Variants in GRAMD1C observed in about 807,000 individuals in gnomAD.
GRAMD1C encodes the protein GRAM domain containing 1C.
In GRAMD1C, 89 loss-of-function variants were observed where a neutral mutation model predicts 97.8. The observed-to-expected ratio is 0.91, with a 90% CI of 0.77 to 1.09. GRAMD1C has a LOEUF of 1.09. GRAMD1C is among the 50% of genes least tolerant of loss of function. The pLI, the probability that GRAMD1C is intolerant of heterozygous loss-of-function variation, is 0.00. For missense variants in GRAMD1C, 740 were observed against 766.4 expected (o/e 0.97, Z 0.41); for synonymous variants, 256 against 267.0 (o/e 0.96, Z 0.40).
rs1422603880 is a variant in GRAMD1C at position 113,904,199 on chromosome 3, C to G, written c.716C>G (p.Ser239Ter). ...SGERDEKLSK[S>*]ISFTSESISR... is the part of the protein sequence containing the mutation. ...GAGAGAGATGAAAAATTATCCAAGTCAATCAGTTTTACCAGTGAATCAATT... is the reference window on the plus strand; with the variant it reads ...GAGAGAGATGAAAAATTATCCAAGTGAATCAGTTTTACCAGTGAATCAATT... The change falls in exon 8 of 18, where the codon TCA becomes TGA. Residue 239 changes from serine (S) to a stop codon, truncating the protein, a stop_gained. Transcript: ENST00000358160. LOFTEE classifies it high-confidence loss of function. The G allele has an allele frequency of 1.9e-6, 3 of 1,606,900 alleles. No individual in the cohort carries two copies. In the African/African-American group the frequency reaches 4.0e-5, roughly 21 times the overall value.
chr3:113,932,787 C>T (rs1049864395), intron 11 of GRAMD1C, among the ~76,000 whole-genome samples: 6 of 152,188 alleles, frequency 3.9e-5, no homozygotes, highest in African/African-American at 1.4e-4. Context: ...TTCACTGCAA[C>T]CTCAAACTCC....
chr3:113,939,222 G>C (rs1241975907), intron 15 of GRAMD1C: 2 of 151,922 alleles, frequency 1.3e-5, no homozygotes, highest in Non-Finnish European at 2.9e-5. Context: ...CTGTATATTT[G>C]CATATATATA....
chr3:113,907,715 T>C (rs1451678843), intron 8 of GRAMD1C, among the ~76,000 whole-genome samples: 1 of 152,126 alleles, frequency 6.6e-6, no homozygotes, highest in Non-Finnish European at 1.5e-5. Flanking sequence ...TACAGTAGAG[T>C]ATACAAAGAA....
chr3:113,920,476 G>A (rs1937003169), intron 10 of GRAMD1C, among the ~76,000 whole-genome samples: 1 of 152,168 alleles, frequency 6.6e-6, no homozygotes, highest in Non-Finnish European at 1.5e-5. Flanking sequence ...GCACTCAGAT[G>A]TGCATCAGCA....
At chr3:113,879,486 C>T (rs1248787303) in intron 5 of GRAMD1C, among the ~76,000 whole-genome samples, 3 of 152,108 alleles carry the variant, frequency 2.0e-5, no homozygotes, top group African/African-American at 7.2e-5. Flanking sequence ...TGTGGCCACT[C>T]TTCACCATGT....
intron 1 of GRAMD1C, among the ~76,000 whole-genome samples, chr3:113,844,261 T>G (rs1457044348): frequency 6.6e-6 from 1 of 151,902 alleles, no homozygotes; most frequent in African/African-American, 2.4e-5. Flanking sequence ...GCCATTACAC[T>G]CCAGTCTGGG....
At chr3:113,864,910 A>T (rs1442873756) in intron 2 of GRAMD1C, among the ~76,000 whole-genome samples, 1 of 152,184 alleles carries the variant, frequency 6.6e-6, no homozygotes, top group Non-Finnish European at 1.5e-5. Context: ...AGGTATTGTA[A>T]TAGCAACAAC....
chr3:113,873,092 C>CAAAA (rs576155098), intron 3 of GRAMD1C, among the ~76,000 whole-genome samples: 1 of 35,750 alleles, frequency 2.8e-5, no homozygotes, highest in African/African-American at 1.1e-4. Flanking sequence ...GACTCCATCT[C>CAAAA]AAAAAAAAAA....
At chr3:113,932,237 A>G (rs1192357580) in intron 11 of GRAMD1C, among the ~76,000 whole-genome samples, 1 of 152,230 alleles carries the variant, frequency 6.6e-6, no homozygotes, top group African/African-American at 2.4e-5. Context: ...TGGACAAAAC[A>G]ATAGTTTTGT....
chr3:113,927,727 G>A (rs534333249), intron 10 of GRAMD1C, among the ~76,000 whole-genome samples: 6 of 152,212 alleles, frequency 3.9e-5, no homozygotes, highest in Non-Finnish European at 7.3e-5. Flanking sequence ...CTACCCTGCT[G>A]TCAAGGTGTT....
At chr3:113,935,440 C>T (rs979700717) in intron 13 of GRAMD1C, among the ~76,000 whole-genome samples, 4 of 151,570 alleles carry the variant, frequency 2.6e-5, no homozygotes, top group East Asian at 1.9e-4. Context: ...CTGGGGAAAA[C>T]GATACGGTGG....
Position 113,904,407 on chromosome 3 carries a change from T to A in GRAMD1C, c.789+135T>A, listed in dbSNP as rs1016713014. The A allele has an allele frequency of 7.8e-6, 5 of 638,340 alleles. No individual in the cohort carries two copies. The African/African-American group carries it at 9.2e-5, about 12-fold the overall frequency. 39.5% of individuals were successfully genotyped at this position (638,340 alleles called of 1,614,324 possible). On this transcript the variant is annotated intron_variant, in intron 8 of 17. Coordinates refer to ENST00000358160, the MANE Select transcript of GRAMD1C (RefSeq NM_017577.5). ...CTCCTACCTTATTTTAGGAAAAAAG[T>A]TTAAAGTCTGTTAGTAGCAGAGATT... is the stretch of plus-strand genomic sequence containing the variant.
intron 2 of GRAMD1C, among the ~76,000 whole-genome samples, chr3:113,851,453 A>G (rs1485126944): frequency 1.3e-5 from 2 of 151,962 alleles, no homozygotes; most frequent in South Asian, 2.1e-4. Context: ...AATAACTAGT[A>G]TACTTAGGTT....
chr3:113,859,271 G>C (rs886114267), intron 2 of GRAMD1C, among the ~76,000 whole-genome samples: 1 of 151,932 alleles, frequency 6.6e-6, no homozygotes, highest in Non-Finnish European at 1.5e-5. Flanking sequence ...GTTACATTAA[G>C]GTTTTAATTT....
At chr3:113,886,494 A>C (rs1031137537) in intron 6 of GRAMD1C, among the ~76,000 whole-genome samples, 2 of 152,174 alleles carry the variant, frequency 1.3e-5, no homozygotes, top group African/African-American at 2.4e-5. Context: ...ATTTTGGGCC[A>C]CTGGATTTTC....
rs577594785 is a variant in GRAMD1C at position 113,930,837 on chromosome 3, G to A, written c.1209+5G>A. The A allele has an allele frequency of 1.8e-5, 26 of 1,416,376 alleles. No homozygotes were observed. Among genetic ancestry groups the A allele is most frequent in the South Asian group, 8.0e-5 (7 of 87,026 alleles). 87.7% of individuals were successfully genotyped at this position (1,416,376 alleles called of 1,614,324 possible). On this transcript the variant is annotated splice_donor_5th_base_variant and intron_variant, in intron 11 of 17. Transcript: ENST00000358160. ...ACTGCTGCCACTGAAAAGCAGGTACGTCTGCTTTGTCAGTGTCCAGAAGAG... is the reference window on the plus strand; with the variant it reads ...ACTGCTGCCACTGAAAAGCAGGTACATCTGCTTTGTCAGTGTCCAGAAGAG...
chr3:113,896,246 C>T (rs945768637), intron 6 of GRAMD1C, among the ~76,000 whole-genome samples: 1 of 152,158 alleles, frequency 6.6e-6, no homozygotes, highest in African/African-American at 2.4e-5. Context: ...CTTTCGGCAG[C>T]GTTAGATACC....
At chr3:113,916,438 T>G (rs1015052424) in intron 10 of GRAMD1C, among the ~76,000 whole-genome samples, 1 of 152,208 alleles carries the variant, frequency 6.6e-6, no homozygotes. Flanking sequence ...TACAAAGTAC[T>G]GATACTTGTA....
intron 1 of GRAMD1C, among the ~76,000 whole-genome samples, chr3:113,831,943 T>C (rs1308081188): frequency 6.6e-6 from 1 of 152,210 alleles, no homozygotes; most frequent in East Asian, 1.9e-4. Context: ...TCTATTATTT[T>C]TCTCTGTATA....
Sources: allele counts gnomAD v4.1 joint callset (sites outside exome capture counted in the v4.1 genomes callset), GRCh38; gene constraint gnomAD v4.1.1; transcripts MANE v1.5; gene names NCBI Gene and HGNC (gene_info 2026-07-23, HGNC 2026-07-21).